ROR1: variants seen among roughly 807,000 people sequenced by gnomAD.
ROR1 encodes inactive tyrosine-protein kinase transmembrane receptor ROR1.
Under a neutral mutation model 78.8 loss-of-function variants are expected in ROR1, and 19 were observed. The observed-to-expected ratio is 0.24, with a 90% CI of 0.17 to 0.35. The LOEUF is 0.35. ROR1 is among the 10% of genes least tolerant of loss of function. The pLI, the probability that ROR1 is intolerant of heterozygous loss-of-function variation, is 1.00. For synonymous variants in ROR1, 386 were observed against 433.6 expected, an observed-to-expected ratio of 0.89 and a Z score of 1.36; for missense variants, 917 against 1,177.8, an observed-to-expected ratio of 0.78 and a Z score of 3.24.
At chr1:64,066,389 C>A (rs1646956470) in intron 4 of ROR1, among the ~76,000 whole-genome samples, 1 of 150,738 alleles carries the variant, frequency 6.6e-6, no homozygotes, top group South Asian at 2.1e-4. Flanking sequence ...GCCATCTTGG[C>A]TCACTGCAAG....
chr1:63,779,799 T>C (rs1413880911), intron 1 of ROR1, among the ~76,000 whole-genome samples: 1 of 152,088 alleles, frequency 6.6e-6, no homozygotes, highest in East Asian at 1.9e-4. Context: ...TCTGAACTTT[T>C]TCCTTCATCC....
chr1:63,828,915 A>C (rs147455796), intron 1 of ROR1, among the ~76,000 whole-genome samples: 113 of 152,324 alleles, frequency 7.4e-4, no homozygotes, highest in African/African-American at 2.5e-3. Flanking sequence ...GTCTTTGTTC[A>C]GATTATACCA....
At chr1:64,064,000 G>A (rs1646937632) in intron 4 of ROR1, among the ~76,000 whole-genome samples, 1 of 152,222 alleles carries the variant, frequency 6.6e-6, no homozygotes. Context: ...CACCAAAGGA[G>A]TTGCAGCAGC....
chr1:64,149,014 G>GAA (rs5774684), intron 7 of ROR1, among the ~76,000 whole-genome samples: 65 of 151,088 alleles, frequency 4.3e-4, no homozygotes, highest in African/African-American at 1.6e-3. Flanking sequence ...GAATCAGATG[G>GAA]AAAAAAAAAT....
intron 1 of ROR1, among the ~76,000 whole-genome samples, chr1:63,845,705 T>G (rs1438207707): frequency 6.6e-6 from 1 of 152,208 alleles, no homozygotes; most frequent in Non-Finnish European, 1.5e-5. Context: ...ATTATTGTGT[T>G]CTGATCTCTG....
intron 1 of ROR1, among the ~76,000 whole-genome samples, chr1:63,791,518 A>T (rs956120339): frequency 1.3e-5 from 2 of 152,154 alleles, no homozygotes; most frequent in Admixed American, 1.3e-4. Context: ...CTCACTTCCC[A>T]GGCCCCTTTC....
In ROR1 at chr1:64,044,908, C is replaced by T. The variant is rs186498501; in HGVS notation, c.164-4783C>T. Among the ~76,000 whole-genome samples the T allele has an allele frequency of 4.0e-3, 610 of 152,254 alleles. 2 individuals are homozygous for T. The highest frequency in any genetic ancestry group is 5.1e-3 in the Non-Finnish European group (348 of 68,018). On this transcript the variant is annotated intron_variant, in intron 2 of 8. Transcript: ENST00000371079. ...GATGGCACTGGTGGTGATATTAATG[C>T]ATTTGAATTTTCTATATTAGATAAG...
At chr1:64,124,272 T>C (rs1648639604) in intron 4 of ROR1, among the ~76,000 whole-genome samples, 1 of 152,236 alleles carries the variant, frequency 6.6e-6, no homozygotes, top group Non-Finnish European at 1.5e-5. Flanking sequence ...GGGTATCTTA[T>C]AAGAATGTGA....
chr1:64,088,400 A>T (rs1647170211), intron 4 of ROR1, among the ~76,000 whole-genome samples: 1 of 152,158 alleles, frequency 6.6e-6, no homozygotes, highest in Non-Finnish European at 1.5e-5. Flanking sequence ...AACCAGGCAA[A>T]TTCTAATTCT....
chr1:63,794,523 G>A (rs1350963130), intron 1 of ROR1, among the ~76,000 whole-genome samples: 1 of 152,208 alleles, frequency 6.6e-6, no homozygotes, highest in Admixed American at 6.5e-5. Context: ...GGCCTGCTGT[G>A]CCCTGCTGGC....
chr1:64,018,340 T>C (rs1262660100), intron 2 of ROR1, among the ~76,000 whole-genome samples: 2 of 152,172 alleles, frequency 1.3e-5, no homozygotes, highest in Admixed American at 1.3e-4. Context: ...AAACACAACA[T>C]CCTATTTCAA....
intron 1 of ROR1, among the ~76,000 whole-genome samples, chr1:63,832,350 CTGCCTGAGACT>C (rs1286864942): frequency 6.6e-6 from 1 of 152,192 alleles, no homozygotes; most frequent in Non-Finnish European, 1.5e-5. Context: ...TTATAAAGAA[CTGCCTGAGACT>C]GGGTAATGTA....
At chr1:64,153,195 A>T (rs1649675782) in intron 7 of ROR1, among the ~76,000 whole-genome samples, 1 of 152,190 alleles carries the variant, frequency 6.6e-6, no homozygotes, top group Non-Finnish European at 1.5e-5. Flanking sequence ...TAATAATTAG[A>T]GAAATGCAAA....
At chr1:64,018,060 C>T (rs1297039386) in intron 2 of ROR1, among the ~76,000 whole-genome samples, 2 of 152,054 alleles carry the variant, frequency 1.3e-5, no homozygotes, top group Admixed American at 6.6e-5. Context: ...TCCTGTTGCA[C>T]CCACTTCAAA....
At chr1:63,846,119 TGTGTGTG>T (rs1386121722) in intron 1 of ROR1, among the ~76,000 whole-genome samples, 2 of 2,526 alleles carry the variant, frequency 7.9e-4, no homozygotes, top group African/African-American at 6.1e-3. Context: ...AGAGAGAGAA[TGTGTGTG>T]TGTGTGTGTG....
intron 1 of ROR1, among the ~76,000 whole-genome samples, chr1:63,791,041 C>G (rs1360773863): frequency 3.3e-5 from 5 of 152,102 alleles, no homozygotes; most frequent in Admixed American, 3.3e-4. Flanking sequence ...TTCTTGGGGC[C>G]TGAGGCAGTA....
intron 4 of ROR1, among the ~76,000 whole-genome samples, chr1:64,070,470 C>T (rs1388994927): frequency 6.6e-6 from 1 of 152,088 alleles, no homozygotes; most frequent in Admixed American, 6.6e-5. Flanking sequence ...CGTGCACCAC[C>T]ACACCCAGTT....
chr1:64,110,161 A>G (rs866199457), intron 4 of ROR1, among the ~76,000 whole-genome samples: 11 of 152,208 alleles, frequency 7.2e-5, no homozygotes, highest in South Asian at 2.1e-4. Context: ...GAACAAGTGC[A>G]GTTAGAATCA....
At chr1:64,030,282 G>GA (rs1216872433) in intron 2 of ROR1, among the ~76,000 whole-genome samples, 1 of 152,102 alleles carries the variant, frequency 6.6e-6, no homozygotes. Context: ...ACAGAAGACA[G>GA]AAAAAATGTT....
Sources: allele counts gnomAD v4.1 joint callset (sites outside exome capture counted in the v4.1 genomes callset), GRCh38; gene constraint gnomAD v4.1.1; transcripts MANE v1.5; gene names NCBI Gene and HGNC (gene_info 2026-07-23, HGNC 2026-07-21).